The following PARD3 variants were observed in gnomAD, a reference collection of about 807,000 sequenced individuals.
PARD3 encodes the protein par-3 family cell polarity regulator.
Under a neutral mutation model 155.4 loss-of-function variants are expected in PARD3, and 75 were observed. The ratio of observed to expected loss-of-function variants is 0.48; its 90% CI spans 0.40 to 0.58. The LOEUF is 0.58. Ranked by LOEUF, PARD3 falls within the 20% of genes least tolerant of loss-of-function variation. PARD3 has a pLI of 0.00. For missense variants in PARD3, 1,642 were observed against 1,721.7 expected, an observed-to-expected ratio of 0.95 and a Z score of 0.82; for synonymous variants, 576 against 610.5, an observed-to-expected ratio of 0.94 and a Z score of 0.83.
chr10:34,787,412 T>A (rs1231770539), intron 1 of PARD3, among the ~76,000 whole-genome samples: 1 of 151,616 alleles, frequency 6.6e-6, no homozygotes, highest in Admixed American at 6.6e-5. Context: ...AATGGCAGAG[T>A]CTTAAGGAAA....
At chr10:34,118,964 T>C (rs907101632) in intron 24 of PARD3, among the ~76,000 whole-genome samples, 2 of 152,220 alleles carry the variant, frequency 1.3e-5, no homozygotes, top group African/African-American at 4.8e-5. Context: ...ACTATTTCAA[T>C]GTACTGGCAC....
intron 2 of PARD3, among the ~76,000 whole-genome samples, chr10:34,621,261 C>T (rs1012568783): frequency 6.6e-6 from 1 of 151,986 alleles, no homozygotes; most frequent in African/African-American, 2.4e-5. Context: ...GAGTCTCTGT[C>T]ACCCAGGCTC....
chr10:34,255,090 C>G (rs546602923), intron 22 of PARD3, among the ~76,000 whole-genome samples: 1 of 152,220 alleles, frequency 6.6e-6, no homozygotes, highest in East Asian at 1.9e-4. Flanking sequence ...AACCCTCCCC[C>G]ACAAATTCTG....
intron 22 of PARD3, among the ~76,000 whole-genome samples, chr10:34,148,842 A>G (rs540268930): frequency 3.3e-4 from 50 of 151,314 alleles, no homozygotes; most frequent in African/African-American, 1.1e-3. Flanking sequence ...TTAATCCTCT[A>G]TCCCTCTATT....
At chr10:34,566,520 T>TG (rs542980943) in intron 2 of PARD3, among the ~76,000 whole-genome samples, 498 of 152,314 alleles carry the variant, frequency 3.3e-3, no homozygotes, top group Middle Eastern at 6.8e-3. Flanking sequence ...AAATGCAGCC[T>TG]GAACAGCTGA....
intron 2 of PARD3, among the ~76,000 whole-genome samples, chr10:34,677,782 C>T (rs771100822): frequency 7.2e-5 from 11 of 152,002 alleles, no homozygotes; most frequent in Non-Finnish European, 1.3e-4. Flanking sequence ...CGAAAATCAC[C>T]GTTCTAATGA....
intron 5 of PARD3, among the ~76,000 whole-genome samples, chr10:34,430,941 A>G (rs914460414): frequency 1.3e-5 from 2 of 152,242 alleles, no homozygotes; most frequent in African/African-American, 2.4e-5. Flanking sequence ...GAAGAGGAAC[A>G]TGTAGGTCAT....
At chr10:34,303,884 G>A (rs1462843915) in intron 20 of PARD3, among the ~76,000 whole-genome samples, 2 of 152,092 alleles carry the variant, frequency 1.3e-5, no homozygotes, top group South Asian at 2.1e-4. Flanking sequence ...CACAGTCTGC[G>A]GAAAAGACCT....
chr10:34,153,851 T>G (rs988601344), intron 22 of PARD3, among the ~76,000 whole-genome samples: 3 of 152,200 alleles, frequency 2.0e-5, no homozygotes, highest in African/African-American at 4.8e-5. Flanking sequence ...ATTTACAGTA[T>G]CTTCTTTAAA....
chr10:34,449,288 T>C (rs1811409628), intron 5 of PARD3, among the ~76,000 whole-genome samples: 1 of 151,986 alleles, frequency 6.6e-6, no homozygotes, highest in Admixed American at 6.6e-5. Context: ...CTGTACCCTT[T>C]AAATATATAC....
At chr10:34,655,965 A>T (rs868668228) in intron 2 of PARD3, among the ~76,000 whole-genome samples, 1 of 152,208 alleles carries the variant, frequency 6.6e-6, no homozygotes, top group Non-Finnish European at 1.5e-5. Context: ...TTAAAAAACC[A>T]AAAGAATTTT....
chr10:34,711,075 C>A (rs1348021268), intron 1 of PARD3, among the ~76,000 whole-genome samples: 2 of 152,104 alleles, frequency 1.3e-5, no homozygotes, highest in Non-Finnish European at 2.9e-5. Context: ...ATTCCGGAGA[C>A]TGAGGCAGGA....
At chr10:34,574,339 C>G (rs1306657709) in intron 2 of PARD3, among the ~76,000 whole-genome samples, 1 of 152,188 alleles carries the variant, frequency 6.6e-6, no homozygotes, top group Non-Finnish European at 1.5e-5. Flanking sequence ...ACAGACATAT[C>G]TAGTCTCTCA....
At chr10:34,359,360 G>A (rs1839217166) in intron 13 of PARD3, 43 bp from the exon 14 acceptor site, 1 of 1,378,434 alleles carries the variant, frequency 7.3e-7, no homozygotes, top group Non-Finnish European at 1.0e-6. Flanking sequence ...TAAACAGACT[G>A]CTATAAAAGA....
intron 23 of PARD3, among the ~76,000 whole-genome samples, chr10:34,125,031 C>T (rs1250884982): frequency 2.0e-5 from 3 of 151,490 alleles, no homozygotes. Context: ...GTGTGATGGG[C>T]ACCTCTCTGC....
chr10:34,152,108 CT>C (rs1187797596), intron 22 of PARD3, among the ~76,000 whole-genome samples: 1 of 152,106 alleles, frequency 6.6e-6, no homozygotes, highest in Non-Finnish European at 1.5e-5. Context: ...TGGTTGAACC[CT>C]TTAATTTTAC....
chr10:34,702,196 TAAAAA>T (rs781611430), intron 1 of PARD3, among the ~76,000 whole-genome samples: 1 of 139,384 alleles, frequency 7.2e-6, no homozygotes, highest in East Asian at 2.1e-4. Flanking sequence ...ATTTTAATAT[TAAAAA>T]AAAAAAAGCC....
intron 7 of PARD3, among the ~76,000 whole-genome samples, chr10:34,396,003 T>G (rs1339885493): frequency 2.6e-5 from 4 of 152,150 alleles, no homozygotes; most frequent in Non-Finnish European, 5.9e-5. Context: ...TTGAAAAACA[T>G]TCAACCTAGT....
chr10:34,338,948 A>T (rs776180785), intron 16 of PARD3, among the ~76,000 whole-genome samples: 1 of 152,170 alleles, frequency 6.6e-6, no homozygotes, highest in African/African-American at 2.4e-5. Context: ...AAATTATCAA[A>T]CACAAATTAT....
Sources: gnomAD v4.1 joint callset for allele counts (sites outside exome capture counted in the v4.1 genomes callset) on GRCh38, gnomAD v4.1.1 for gene constraint, MANE v1.5 for transcripts, NCBI Gene and HGNC (gene_info 2026-07-23, HGNC 2026-07-21) for gene names.